SCD: variants seen among roughly 807,000 people sequenced by gnomAD.
SCD encodes acyl-CoA desaturase.
Under a neutral mutation model 35.7 loss-of-function variants are expected in SCD, and 4 were observed. The ratio of observed to expected loss-of-function variants is 0.11; its 90% CI spans 0.06 to 0.26. The LOEUF (loss-of-function observed/expected upper bound fraction) is 0.26. Among genes scored for constraint, SCD ranks in the 10% least tolerant of loss-of-function variants. SCD has a pLI of 1.00. For synonymous variants in SCD, 150 were observed against 170.2 expected (o/e 0.88, Z 0.92); for missense variants, 282 against 460.7 (o/e 0.61, Z 3.55).
In SCD at chr10:100,348,555, C is replaced by T. The variant is rs182340976; in HGVS notation, c.310+209C>T. 8.0e-5 allele frequency among the ~76,000 whole-genome samples: 12 copies of T among 149,942 alleles called. No homozygotes were observed. The East Asian group carries it at 2.4e-3, about 30-fold the overall frequency. On this transcript the variant is annotated intron_variant, in intron 2 of 5. Transcript: ENST00000370355. The stretch of plus-strand genomic sequence containing the variant: ...GACTGTCAATGCTGGGGGTTGAGAG[C>T]TTTGGAACCTTGTGCTTGTGGGCTT...
Position 100,356,689 on chromosome 10 carries a change from C to A in SCD, c.805C>A (p.His269Asn). 6.2e-7 allele frequency: 1 copy of A among 1,614,260 alleles called. No individual in the cohort carries two copies. The highest frequency in any genetic ancestry group is 8.5e-7 in the Non-Finnish European group (1 of 1,180,052). ...NATWLVNSAA[H>N]LFGYRPYDKN... Reference sequence around the variant, plus strand: ...CACCTGGCTGGTGAACAGTGCTGCCCACCTCTTCGGATATCGTCCTTATGA... The same window carrying A: ...CACCTGGCTGGTGAACAGTGCTGCCAACCTCTTCGGATATCGTCCTTATGA... Residue 269 changes from histidine to asparagine, a missense_variant, in exon 5 of 6, where the codon CAC becomes AAC. This residue lies in a region of SCD where 205 missense variants were observed against 372.3 expected (regional missense o/e 0.55). Transcript: ENST00000370355. The surrounding 1 kb of genome is among the most constrained non-coding windows in gnomAD (Gnocchi z 4.1).
At chr10:100,349,145 C>T (rs1011184715) in intron 2 of SCD, among the ~76,000 whole-genome samples, 1 of 152,192 alleles carries the variant, frequency 6.6e-6, no homozygotes, top group African/African-American at 2.4e-5. Flanking sequence ...CCAGGGACAT[C>T]GAGGCCAGGC....
intron 3 of SCD, among the ~76,000 whole-genome samples, chr10:100,354,214 G>A (rs1849902288): frequency 6.6e-6 from 1 of 152,228 alleles, no homozygotes; most frequent in African/African-American, 2.4e-5. Context: ...TATTGCTATG[G>A]TCCTGGGACT....
At position 100,363,020 on chromosome 10, in the gene SCD, T is replaced by G. The variant is rs894789774; in HGVS notation, c.*2087T>G. On this transcript the variant is annotated 3_prime_UTR_variant, in exon 6 of 6. Coordinates refer to ENST00000370355, the MANE Select transcript of SCD (RefSeq NM_005063.5). ...GCTTGTAGAAGTAGGAGGAAACAGT[T>G]CTCACTGGGAAGAAGCAAGGGCAAG... is the stretch of plus-strand genomic sequence containing the variant. 1 of 152,178 alleles carries G rather than the reference T, an allele frequency of 6.6e-6. No individual in the cohort carries two copies. Among genetic ancestry groups the G allele is most frequent in the African/African-American group, 2.4e-5 (1 of 41,420 alleles). 9.4% of individuals were successfully genotyped at this position (152,178 alleles called of 1,614,324 possible).
chr10:100,362,552 C>G lies in SCD; in HGVS notation c.*1619C>G, dbSNP rs2133599266. On this transcript the variant is annotated 3_prime_UTR_variant, in exon 6 of 6. Coordinates refer to ENST00000370355, the MANE Select transcript of SCD (RefSeq NM_005063.5). ...TCTTCCCTGAACGTTTTCTTCTTTC[C>G]CTGGACAGGCAGCCTCCTTTGTGTG... 6.6e-6 allele frequency: 1 copy of G among 152,400 alleles called. No homozygotes were observed. The highest frequency in any genetic ancestry group is 1.9e-4 in the East Asian group (1 of 5,192). The allele number at this position is 152,400 out of a possible 1,614,324, so 9.4% of individuals were successfully genotyped here.
At position 100,348,321 on chromosome 10, in the gene SCD, C is replaced by T; in HGVS notation, c.285C>T (p.Thr95=). The change falls in exon 2 of 6, where the codon ACC becomes ACT. Residue 95 remains threonine, a synonymous_variant. Coordinates refer to ENST00000370355, the MANE Select transcript of SCD (RefSeq NM_005063.5). The part of the protein sequence containing the change: ...GALYGITLIP[T]CKFYTWLWGV... ...TGTATGGGATCACTTTGATTCCTAC[C>T]TGCAAGTTCTACACCTGGCTTTGGG... is the stretch of plus-strand genomic sequence containing the variant. 6.2e-7 allele frequency: 1 copy of T among 1,613,992 alleles called. No homozygotes were observed. Among genetic ancestry groups the T allele is most frequent in the Non-Finnish European group, 8.5e-7 (1 of 1,179,982 alleles).
chr10:100,357,014 T>A (rs1452839247), intron 5 of SCD, among the ~76,000 whole-genome samples: 1 of 152,180 alleles, frequency 6.6e-6, no homozygotes, highest in African/African-American at 2.4e-5. Flanking sequence ...CTAAAACAAT[T>A]TCCAAATGCC....
Position 100,354,683 on chromosome 10 carries a change from T to C in SCD, c.647+51T>C, listed in dbSNP as rs761920911. 13 of 1,405,730 alleles carry C rather than the reference T, an allele frequency of 9.2e-6. No homozygotes were observed. In the South Asian group the frequency reaches 1.4e-4, roughly 15 times the overall value. 87.1% of individuals were successfully genotyped at this position (1,405,730 alleles called of 1,614,324 possible). ...GGATATGGCCCTGGCACCTGGTCAT[T>C]AGGGACCCCATTTTTTCTCCTGAGA... On this transcript the variant is annotated intron_variant, in intron 4 of 5. Coordinates refer to ENST00000370355, the MANE Select transcript of SCD (RefSeq NM_005063.5).
At chr10:100,354,749 T>A in intron 4 of SCD, 117 bp downstream of exon 4, 1 of 769,446 alleles carries the variant, frequency 1.3e-6, no homozygotes, top group South Asian at 1.7e-5. Flanking sequence ...GGTTTGCATG[T>A]TCACAATCTT....
intron 5 of SCD, among the ~76,000 whole-genome samples, chr10:100,360,423 A>G (rs549232722): frequency 2.0e-5 from 3 of 152,278 alleles, no homozygotes; most frequent in South Asian, 2.1e-4. Context: ...AGGGTCTCCA[A>G]TCACTCCTTA....
rs1020537061 is a variant in SCD, at chr10:100,352,590, T to G, written c.441+94T>G. 1 of 1,206,090 alleles carries G rather than the reference T, an allele frequency of 8.3e-7. No individual in the cohort carries two copies. Among genetic ancestry groups the G allele is most frequent in the African/African-American group, 1.5e-5 (1 of 67,008 alleles). 74.7% of individuals were successfully genotyped at this position (1,206,090 alleles called of 1,614,324 possible). On this transcript the variant is annotated intron_variant, in intron 3 of 5. Transcript: ENST00000370355. This position sits in a 1 kb window ranked among gnomAD's most constrained non-coding sequence, Gnocchi z 4.2. ...ATCAGCACCAGAGAGGAGCCACACC[T>G]GACAGCCATTTCACTTTCCTCTCTC... is the stretch of plus-strand genomic sequence containing the variant.
chr10:100,354,057 A>G (rs1030451489), intron 3 of SCD, among the ~76,000 whole-genome samples: 16 of 152,210 alleles, frequency 1.1e-4, no homozygotes, highest in African/African-American at 3.9e-4. Flanking sequence ...CATGTTCCCC[A>G]TGCCTAGGGA....
At chr10:100,354,870 A>G (rs1849911940) in intron 4 of SCD, among the ~76,000 whole-genome samples, 1 of 152,194 alleles carries the variant, frequency 6.6e-6, no homozygotes, top group Admixed American at 6.5e-5. Flanking sequence ...AGAGATGTTT[A>G]TTGTCCTAGG....
At chr10:100,354,337 G>C in intron 3 of SCD, 90 bp from the exon 4 acceptor site, 1 of 1,155,916 alleles carries the variant, frequency 8.7e-7, no homozygotes. Flanking sequence ...GTTGGGCTGA[G>C]CGCCTTGGGC....
chr10:100,359,030 T>C (rs1849961783), intron 5 of SCD, among the ~76,000 whole-genome samples: 1 of 152,218 alleles, frequency 6.6e-6, no homozygotes. Flanking sequence ...CTTTAACCCA[T>C]GATTAAAATA....
intron 2 of SCD, among the ~76,000 whole-genome samples, chr10:100,349,389 A>G (rs933125982): frequency 6.6e-6 from 1 of 151,954 alleles, no homozygotes; most frequent in African/African-American, 2.4e-5. Context: ...CTGCACTGCT[A>G]CTCTCTAAGG....
In SCD at chr10:100,352,267, G is replaced by T. The variant is rs1295651922; in HGVS notation, c.311-99G>T. On this transcript the variant is annotated intron_variant, in intron 2 of 5. Transcript: ENST00000370355. The surrounding 1 kb of genome is among the most constrained non-coding windows in gnomAD (Gnocchi z 4.2). ...TAAAGCCAGTTCTCACCCAAAGCCT[G>T]ACGAAGACAGTTTCTAGCATCCAGA... The T allele has an allele frequency of 3.1e-6, 4 of 1,277,666 alleles. No homozygotes were observed. Among genetic ancestry groups the T allele is most frequent in the Non-Finnish European group, 4.4e-6 (4 of 913,458 alleles). 79.1% of individuals were successfully genotyped at this position (1,277,666 alleles called of 1,614,324 possible).
Position 100,347,248 on chromosome 10 carries a change from CT to C in SCD, c.-254del. On this transcript the variant is annotated 5_prime_UTR_variant, in exon 1 of 6. Transcript: ENST00000370355. ...CGCCCGCGCCAGTCAACTCCTCGCA[CT>C]TTGCCCCTGCTTGGCAGCGGATAAA... 1 of 557,122 alleles carries C rather than the reference CT, an allele frequency of 1.8e-6. No individual in the cohort carries two copies. The highest frequency in any genetic ancestry group is 2.0e-5 in the African/African-American group (1 of 51,010). The allele number at this position is 557,122 out of a possible 1,614,324, so 34.5% of individuals were successfully genotyped here. A position where few individuals can be genotyped will look rare whatever the true frequency, so the allele number is the denominator to read the frequency against.
At chr10:100,360,596 A>G (rs1311336074) in intron 5 of SCD, 138 bp from the exon 6 acceptor site, 2 of 697,948 alleles carry the variant, frequency 2.9e-6, no homozygotes, top group Non-Finnish European at 5.0e-6. Context: ...TTTGGTTCAT[A>G]TTAAAAGAGA....
Sources: allele counts gnomAD v4.1 joint callset (sites outside exome capture counted in the v4.1 genomes callset), GRCh38; gene constraint gnomAD v4.1.1; regional missense constraint gnomAD v4.1.1; non-coding constraint Gnocchi (gnomAD v3.1); transcripts MANE v1.5; gene names NCBI Gene and HGNC (gene_info 2026-07-23, HGNC 2026-07-21).